CXXC5: variants seen among roughly 807,000 people sequenced by gnomAD.
CXXC5 encodes the protein CXXC finger protein 5, also known as CXXC-type zinc finger protein 5.
Under a neutral mutation model 17.6 loss-of-function variants are expected in CXXC5, and 2 were observed. The ratio of observed to expected loss-of-function variants is 0.11; its 90% CI spans 0.05 to 0.36. The LOEUF is 0.36. CXXC5 is among the 10% of genes least tolerant of loss of function. The pLI is 1.00. For missense variants in CXXC5, 343 were observed against 458.3 expected, an observed-to-expected ratio of 0.75 and a Z score of 2.30; for synonymous variants, 171 against 193.0, an observed-to-expected ratio of 0.89 and a Z score of 0.94.
At chr5:139,673,174 A>G (rs1471261680) in intron 1 of CXXC5, among the ~76,000 whole-genome samples, 1 of 152,206 alleles carries the variant, frequency 6.6e-6, no homozygotes, top group African/African-American at 2.4e-5. Context: ...ATGGGGCAAT[A>G]ATAGGACTTC....
rs1756211047 is a variant in CXXC5 at position 139,668,054 on chromosome 5, T to TGAGG, written c.-160-12310_-160-12309insGAGG. ...CCTGCCCGAGGCCTCCCAGCCCCTC[T>TGAGG]CATCCCTTCCTGGGCTGGGCCTGCG... On this transcript the variant is annotated intron_variant, in intron 1 of 2. Coordinates refer to ENST00000302517, the MANE Select transcript of CXXC5 (RefSeq NM_016463.9). The surrounding 1 kb of genome is among the most constrained non-coding windows in gnomAD (Gnocchi z 4.1). 3.3e-5 allele frequency among the ~76,000 whole-genome samples: 5 copies of TGAGG among 151,844 alleles called. No homozygotes were observed. Among genetic ancestry groups the TGAGG allele is most frequent in the Non-Finnish European group, 4.4e-5 (3 of 67,914 alleles).
chr5:139,657,731 T>G (rs1415075152), intron 1 of CXXC5, among the ~76,000 whole-genome samples: 10 of 152,178 alleles, frequency 6.6e-5, no homozygotes. Flanking sequence ...TTGTCCTGGC[T>G]GGCTGCCGGC....
Position 139,680,417 on chromosome 5 carries a change from G to C in CXXC5, c.-107G>C. The C allele has an allele frequency of 7.0e-7, 1 of 1,420,754 alleles. No homozygotes were observed. The highest frequency in any genetic ancestry group is 9.3e-7 in the Non-Finnish European group (1 of 1,078,840). The allele number at this position is 1,420,754 out of a possible 1,614,324, so 88.0% of individuals were successfully genotyped here. ...ACCATGTGCCTGCCCTGAGCAGCGA[G>C]GCCCACCAGGCATCTCTGTTGTGGG... is the stretch of plus-strand genomic sequence containing the variant. On this transcript the variant is annotated 5_prime_UTR_variant, in exon 2 of 3. Transcript: ENST00000302517.
chr5:139,664,997 C>T lies in CXXC5; in HGVS notation c.-160-15367C>T, dbSNP rs564527079. ...GAGTGTGGTGACAGCGGAGCCCTTC[C>T]CCCCAGACTATCCTCCTGGTCACTG... is the stretch of plus-strand genomic sequence containing the variant. On this transcript the variant is annotated intron_variant, in intron 1 of 2. Transcript: ENST00000302517. Among the ~76,000 whole-genome samples, 174 of 152,330 alleles carry T rather than the reference C, an allele frequency of 1.1e-3. 1 individual carries two copies. Among genetic ancestry groups the T allele is most frequent in the African/African-American group, 3.9e-3 (163 of 41,570 alleles).
At position 139,648,828 on chromosome 5, in the gene CXXC5, G is replaced by T. The variant is rs1581549873; in HGVS notation, c.-178G>T. 1 of 153,016 alleles carries T rather than the reference G, an allele frequency of 6.5e-6. No homozygotes were observed. The highest frequency in any genetic ancestry group is 2.0e-4 in the South Asian group (1 of 5,126). 9.5% of individuals were successfully genotyped at this position (153,016 alleles called of 1,614,324 possible). A position where few individuals can be genotyped will look rare whatever the true frequency, so the allele number is the denominator to read the frequency against. ...GCGGCGACGGCGGCGGTGGCGGCTT[G>T]GACGACTCGGAGAGCCGGTAGGTGT... is the stretch of plus-strand genomic sequence containing the variant. On this transcript the variant is annotated 5_prime_UTR_variant, in exon 1 of 3. Transcript: ENST00000302517.
chr5:139,653,897 T>C (rs2126743528), intron 1 of CXXC5, among the ~76,000 whole-genome samples: 1 of 152,256 alleles, frequency 6.6e-6, no homozygotes. Flanking sequence ...TCCACAGCAC[T>C]AGGGGCTCTA....
intron 1 of CXXC5, among the ~76,000 whole-genome samples, chr5:139,667,259 C>T (rs1756159413): frequency 6.6e-6 from 1 of 152,220 alleles, no homozygotes; most frequent in Non-Finnish European, 1.5e-5. Context: ...CCTCCCACCT[C>T]ACCTCCTCCA....
At chr5:139,675,959 G>A (rs1428812668) in intron 1 of CXXC5, among the ~76,000 whole-genome samples, 3 of 151,950 alleles carry the variant, frequency 2.0e-5, no homozygotes. Context: ...CAGAGCCTTA[G>A]GGTAGAGGCA....
intron 1 of CXXC5, among the ~76,000 whole-genome samples, chr5:139,656,511 T>G (rs530800536): frequency 6.6e-6 from 1 of 152,344 alleles, no homozygotes; most frequent in African/African-American, 2.4e-5. Flanking sequence ...ATACCTTCCT[T>G]GCAGGCAGGG....
chr5:139,678,584 TCCCCACA>T (rs1194401951), intron 1 of CXXC5, among the ~76,000 whole-genome samples: 2 of 152,072 alleles, frequency 1.3e-5, no homozygotes, highest in African/African-American at 4.8e-5. Context: ...GCTTTTCCTT[TCCCCACA>T]CCCGGTCCTC....
Position 139,680,915 on chromosome 5 carries a change from A to G in CXXC5, c.392A>G (p.Asn131Ser). Residue 131 changes from asparagine to serine, a missense_variant, in exon 2 of 3, where the codon AAC (asparagine) becomes AGC (serine). Transcript: ENST00000302517. ...GCGGCCATGGCGGTGGACAAAAGCA[A>G]CCCTACCTCAAAGCACAAAAGTGGT... ...LAAAMAVDKS[N>S]PTSKHKSGAV... The G allele has an allele frequency of 6.2e-7, 1 of 1,602,508 alleles. No homozygotes were observed. The highest frequency in any genetic ancestry group is 8.5e-7 in the Non-Finnish European group (1 of 1,179,922).
chr5:139,675,859 T>C (rs550003407), intron 1 of CXXC5, among the ~76,000 whole-genome samples: 15 of 152,184 alleles, frequency 9.9e-5, no homozygotes, highest in African/African-American at 3.6e-4. Flanking sequence ...TGCTGGTTGA[T>C]AGGATCCGTT....
chr5:139,652,175 T>TGC (rs1755246491), intron 1 of CXXC5, among the ~76,000 whole-genome samples: 1 of 148,064 alleles, frequency 6.8e-6, no homozygotes, highest in Non-Finnish European at 1.5e-5. Flanking sequence ...CGCGCGCGTG[T>TGC]GTGTGTGTGT....
In CXXC5 at chr5:139,680,899, G is replaced by A. The variant is rs1194329736; in HGVS notation, c.376G>A (p.Ala126Thr). The A allele has an allele frequency of 6.2e-7, 1 of 1,604,386 alleles. No individual in the cohort carries two copies. The highest frequency in any genetic ancestry group is 1.1e-5 in the South Asian group (1 of 91,082). The change falls in exon 2 of 3, where the codon GCG (alanine) becomes ACG (threonine). Residue 126 changes from alanine (A) to threonine (T), a missense_variant. By Grantham distance (58) the Ala-to-Thr change is moderately conservative. Coordinates refer to ENST00000302517, the MANE Select transcript of CXXC5 (RefSeq NM_016463.9). ...ANGHDLAAAM[A>T]VDKSNPTSKH... ...TGGGCATGACCTGGCGGCGGCCATG[G>A]CGGTGGACAAAAGCAACCCTACCTC...
intron 1 of CXXC5, among the ~76,000 whole-genome samples, chr5:139,672,479 T>C (rs552684261): frequency 3.9e-5 from 6 of 152,330 alleles, no homozygotes; most frequent in South Asian, 2.1e-4. Flanking sequence ...GGATGCTCCT[T>C]GCCACGATAG....
At position 139,680,652 on chromosome 5, in the gene CXXC5, C is replaced by A. The variant is rs775410299; in HGVS notation, c.129C>A (p.Ala43=). Reference sequence around the variant, plus strand: ...CAGACAAGAGTGCAGTGGTGGCTGCCGCCGCACCAGCCTCAGTGGCAGATG... The same window carrying A: ...CAGACAAGAGTGCAGTGGTGGCTGCAGCCGCACCAGCCTCAGTGGCAGATG... ...GAADKSAVVA[A]AAPASVADDT... is the part of the protein sequence containing the mutation. Residue 43 remains alanine (A), a synonymous_variant, in exon 2 of 3, where the codon GCC becomes GCA. Transcript: ENST00000302517. 1.9e-6 allele frequency: 3 copies of A among 1,612,400 alleles called. No homozygotes were observed. The highest frequency in any genetic ancestry group is 2.2e-5 in the South Asian group (2 of 91,086).
At chr5:139,672,743 C>T (rs929844161) in intron 1 of CXXC5, among the ~76,000 whole-genome samples, 1 of 152,184 alleles carries the variant, frequency 6.6e-6, no homozygotes, top group African/African-American at 2.4e-5. Context: ...AGAGCCATTC[C>T]TTTCCATTTT....
intron 1 of CXXC5, among the ~76,000 whole-genome samples, chr5:139,653,865 G>A (rs1755343858): frequency 6.6e-6 from 1 of 152,288 alleles, no homozygotes; most frequent in African/African-American, 2.4e-5. Flanking sequence ...CTAGGAGGGA[G>A]GGAGGGGATC....
chr5:139,657,312 T>A (rs901008521), intron 1 of CXXC5, among the ~76,000 whole-genome samples: 3 of 152,252 alleles, frequency 2.0e-5, no homozygotes, highest in African/African-American at 7.2e-5. Context: ...GTGTGCTGTT[T>A]CCTGCACCTT....
Sources: gnomAD v4.1 joint callset for allele counts (sites outside exome capture counted in the v4.1 genomes callset) on GRCh38, gnomAD v4.1.1 for gene constraint, Gnocchi (gnomAD v3.1) non-coding constraint, MANE v1.5 for transcripts, NCBI Gene and HGNC (gene_info 2026-07-23, HGNC 2026-07-21) for gene names.